Variants in CSMD1 observed in about 807,000 individuals in gnomAD.
CSMD1 encodes CUB and sushi domain-containing protein 1.
A neutral mutation model predicts 417.5 loss-of-function variants in CSMD1; 213 were observed. The observed-to-expected ratio is 0.51, with a 90% CI of 0.46 to 0.57. The LOEUF (loss-of-function observed/expected upper bound fraction) is 0.57. Ranked by LOEUF, CSMD1 falls within the 20% of genes least tolerant of loss-of-function variation. The pLI is 0.00. For missense variants in CSMD1, 6,923 were observed against 4,529.7 expected (o/e 1.53, Z -15.17); for synonymous variants, 2,862 against 1,736.8 (o/e 1.65, Z -16.11).
intron 46 of CSMD1, among the ~76,000 whole-genome samples, chr8:3,106,301 G>A (rs1307961428): frequency 6.6e-6 from 1 of 152,038 alleles, no homozygotes; most frequent in Non-Finnish European, 1.5e-5. Context: ...GGAGGCTGAG[G>A]CAGGAGGATC....
At chr8:3,187,251 G>A (rs1349070819) in intron 36 of CSMD1, among the ~76,000 whole-genome samples, 1 of 152,198 alleles carries the variant, frequency 6.6e-6, no homozygotes, top group Non-Finnish European at 1.5e-5. Flanking sequence ...GCGGTGTCAT[G>A]CATCTGGAGG....
chr8:3,868,365 T>C (rs747330520), intron 5 of CSMD1, among the ~76,000 whole-genome samples: 2 of 152,124 alleles, frequency 1.3e-5, no homozygotes. Flanking sequence ...AAGTCTCCAG[T>C]AGTGCCATCT....
chr8:4,308,917 T>C (rs1798404711), intron 3 of CSMD1, among the ~76,000 whole-genome samples: 1 of 152,124 alleles, frequency 6.6e-6, no homozygotes, highest in African/African-American at 2.4e-5. Context: ...ATATCAAAGG[T>C]CCATTTATTT....
intron 2 of CSMD1, among the ~76,000 whole-genome samples, chr8:4,461,406 G>A (rs75536128): frequency 0.11 from 15,960 of 151,322 alleles, 1,188 homozygotes; most frequent in East Asian, 0.28. Flanking sequence ...AGGTAAAGAA[G>A]ATAAAAATAT....
intron 3 of CSMD1, among the ~76,000 whole-genome samples, chr8:4,388,303 TACACACACACACACACAGACAC>T (rs1189462206): frequency 1.7e-4 from 20 of 117,208 alleles, no homozygotes; most frequent in South Asian, 2.6e-4. Context: ...GAAACTGTGA[TACACACACACACACACAGACAC>T]ACACACACAC....
chr8:3,989,656 A>G (rs1016069233), intron 5 of CSMD1, among the ~76,000 whole-genome samples: 1 of 152,352 alleles, frequency 6.6e-6, no homozygotes, highest in South Asian at 2.1e-4. Context: ...TATGATGTAT[A>G]TGTTTATTAA....
intron 2 of CSMD1, among the ~76,000 whole-genome samples, chr8:4,616,968 T>A (rs35396775): frequency 8.0e-6 from 1 of 125,562 alleles, no homozygotes; most frequent in Admixed American, 7.7e-5. Context: ...AGCAGATTTC[T>A]TTTTTTTACC....
chr8:3,077,672 G>A (rs1428321081), intron 49 of CSMD1, among the ~76,000 whole-genome samples: 2 of 152,174 alleles, frequency 1.3e-5, no homozygotes, highest in Non-Finnish European at 2.9e-5. Flanking sequence ...CATGCCCATC[G>A]GGGCCTTACC....
chr8:4,871,108 C>G (rs866266981), intron 1 of CSMD1, among the ~76,000 whole-genome samples: 4 of 152,080 alleles, frequency 2.6e-5, no homozygotes, highest in Middle Eastern at 3.2e-3. Flanking sequence ...GAGGCAGTAG[C>G]TGGGGCTGGG....
chr8:3,594,341 G>A (rs925530099), intron 8 of CSMD1, among the ~76,000 whole-genome samples: 3 of 152,038 alleles, frequency 2.0e-5, no homozygotes, highest in African/African-American at 7.2e-5. Flanking sequence ...TTTGCCTTTA[G>A]TAAAAAGATA....
chr8:4,926,480 G>A lies in CSMD1; in HGVS notation c.85+67852C>T, dbSNP rs188291730. Among the ~76,000 whole-genome samples the A allele has an allele frequency of 3.4e-3, 510 of 152,196 alleles. 2 individuals are homozygous for A. The highest frequency in any genetic ancestry group is 0.011 in the African/African-American group (468 of 41,536). On this transcript the variant is annotated intron_variant, in intron 1 of 69. Coordinates refer to ENST00000635120, the MANE Select transcript of CSMD1 (RefSeq NM_033225.6). ...AGAAGCTTTGGAATTTCAAAACGGT[G>A]TAATTTTTCTATGTAAATGTATAAA... is the stretch of plus-strand genomic sequence containing the variant.
At chr8:3,138,243 T>C (rs1316989745) in intron 41 of CSMD1, among the ~76,000 whole-genome samples, 2 of 151,940 alleles carry the variant, frequency 1.3e-5, no homozygotes, top group African/African-American at 2.4e-5. Flanking sequence ...AAAAACCATA[T>C]CCCATATCTC....
chr8:3,243,553 G>T (rs1440546147), intron 26 of CSMD1, among the ~76,000 whole-genome samples: 3 of 151,966 alleles, frequency 2.0e-5, no homozygotes, highest in Non-Finnish European at 4.4e-5. Flanking sequence ...CCAGGAGAAG[G>T]AATTGCACAA....
intron 43 of CSMD1, 91 bp from the exon 44 acceptor site, chr8:3,108,839 T>C: frequency 4.0e-6 from 5 of 1,259,084 alleles, no homozygotes; most frequent in Non-Finnish European, 5.5e-6. Context: ...ATTTTTTTAA[T>C]AAAAGCAATA....
intron 5 of CSMD1, among the ~76,000 whole-genome samples, chr8:3,959,458 C>T (rs902452473): frequency 1.3e-5 from 2 of 152,290 alleles, no homozygotes; most frequent in African/African-American, 2.4e-5. Flanking sequence ...AAGATCACGC[C>T]ATTGCACTCC....
chr8:4,047,756 A>G (rs1563362171), intron 3 of CSMD1, among the ~76,000 whole-genome samples: 1 of 152,048 alleles, frequency 6.6e-6, no homozygotes, highest in Non-Finnish European at 1.5e-5. Flanking sequence ...AGAAAATGGT[A>G]TTTTTTTGAT....
At chr8:4,867,517 A>C (rs1483036074) in intron 1 of CSMD1, among the ~76,000 whole-genome samples, 1 of 152,068 alleles carries the variant, frequency 6.6e-6, no homozygotes, top group Admixed American at 6.6e-5. Context: ...CCTCGGATAT[A>C]ATTTTTTTTA....
At chr8:3,450,256 A>C (rs1167896805) in intron 12 of CSMD1, among the ~76,000 whole-genome samples, 1 of 152,056 alleles carries the variant, frequency 6.6e-6, no homozygotes, top group African/African-American at 2.4e-5. Context: ...GTCATGACCT[A>C]ATCAGGAGTT....
chr8:4,693,530 A>C (rs7844762), intron 1 of CSMD1, among the ~76,000 whole-genome samples: 108,499 of 152,112 alleles, frequency 0.71, 39,252 homozygotes, highest in African/African-American at 0.82. Flanking sequence ...CTGCTTCTTT[A>C]ATTTTACATT....
Sources: allele counts gnomAD v4.1 joint callset (sites outside exome capture counted in the v4.1 genomes callset), GRCh38; gene constraint gnomAD v4.1.1; transcripts MANE v1.5; gene names NCBI Gene and HGNC (gene_info 2026-07-23, HGNC 2026-07-21).